Variants in ANXA9 observed in about 807,000 individuals in gnomAD.
ANXA9 encodes annexin 31.
In ANXA9, 47 loss-of-function variants were observed where a neutral mutation model predicts 51.8. The observed-to-expected ratio is 0.91, with a 90% CI of 0.72 to 1.16. ANXA9 has a LOEUF of 1.16. Among genes scored for constraint, ANXA9 ranks in the 50% most tolerant of loss-of-function variants. The pLI, the probability that ANXA9 is intolerant of heterozygous loss-of-function variation, is 0.00. For synonymous variants in ANXA9, 154 were observed against 168.7 expected (o/e 0.91, Z 0.68); for missense variants, 361 against 424.7 (o/e 0.85, Z 1.32).
chr1:150,986,964 G>A (rs931086636), intron 9 of ANXA9, among the ~76,000 whole-genome samples: 2 of 152,048 alleles, frequency 1.3e-5, no homozygotes, highest in South Asian at 2.1e-4. Flanking sequence ...CGGGTACCAG[G>A]ATTTTTCCAA....
chr1:150,981,310 C>T (rs1339765286), upstream of ANXA9, among the ~76,000 whole-genome samples: 1 of 152,122 alleles, frequency 6.6e-6, no homozygotes, highest in Non-Finnish European at 1.5e-5. Context: ...CAGTGAAGGC[C>T]TTCCTGAGTT....
At chr1:150,991,032 A>G (rs1391653369) in intron 12 of ANXA9, among the ~76,000 whole-genome samples, 4 of 150,454 alleles carry the variant, frequency 2.7e-5, no homozygotes, top group Non-Finnish European at 5.9e-5. Flanking sequence ...AGTCCCAGCT[A>G]CGCTGGAGGC....
intron 12 of ANXA9, among the ~76,000 whole-genome samples, chr1:150,990,893 T>C (rs954510230): frequency 8.6e-5 from 13 of 151,838 alleles, no homozygotes; most frequent in Admixed American, 6.6e-5. Context: ...GCCTGTAATC[T>C]CAGCACTTTG....
intron 4 of ANXA9, among the ~76,000 whole-genome samples, chr1:150,983,693 A>G (rs587609581): frequency 6.8e-4 from 103 of 152,322 alleles, no homozygotes; most frequent in African/African-American, 2.4e-3. Flanking sequence ...CACTCAGCTC[A>G]TGACGGAGGT....
chr1:150,980,538 C>T (rs1671395714), upstream of ANXA9, among the ~76,000 whole-genome samples: 1 of 151,136 alleles, frequency 6.6e-6, no homozygotes, highest in Non-Finnish European at 1.5e-5. Flanking sequence ...CTTTACAGGG[C>T]ACTTTTCTCT....
At chr1:150,993,728 G>C (rs1671765107) in intron 12 of ANXA9, among the ~76,000 whole-genome samples, 1 of 148,644 alleles carries the variant, frequency 6.7e-6, no homozygotes, top group Non-Finnish European at 1.5e-5. Flanking sequence ...TCCGCCTCCT[G>C]GGTTCAAGCA....
chr1:150,981,621 C>T (rs587640570), upstream of ANXA9, among the ~76,000 whole-genome samples: 1 of 152,350 alleles, frequency 6.6e-6, no homozygotes, highest in Non-Finnish European at 1.5e-5. Flanking sequence ...AGGGAGCCTC[C>T]CCCATCTCCC....
intron 12 of ANXA9, 50 bp from the exon 13 acceptor site, chr1:150,994,527 C>T: frequency 1.9e-6 from 3 of 1,608,078 alleles, no homozygotes; most frequent in African/African-American, 2.7e-5. Flanking sequence ...AACCCCTACT[C>T]TCAGTGAGAC....
chr1:150,983,138 C>T lies in ANXA9; in HGVS notation c.33C>T (p.Ser11=). Residue 11 remains serine (S), a synonymous_variant, in exon 3 of 14, where the codon TCC becomes TCT. Coordinates refer to ENST00000368947, the MANE Select transcript of ANXA9 (RefSeq NM_003568.3). MSVTGGKMAP[S]LTQEILSHLG... is the part of the protein sequence containing the mutation. ...TGACTGGCGGGAAGATGGCACCGTCCCTCACCCAGGAGATCCTCAGCCACC... is the reference window on the plus strand; with the variant it reads ...TGACTGGCGGGAAGATGGCACCGTCTCTCACCCAGGAGATCCTCAGCCACC... The T allele has an allele frequency of 6.2e-7, 1 of 1,614,088 alleles. No individual in the cohort carries two copies.
intron 4 of ANXA9, 40 bp downstream of exon 4, chr1:150,983,474 A>G: frequency 1.3e-6 from 2 of 1,553,014 alleles, no homozygotes; most frequent in Middle Eastern, 1.7e-4. Context: ...TGCCTTTTAG[A>G]GCCAATCTGT....
chr1:150,986,693 G>T lies in ANXA9; in HGVS notation c.612+32G>T, dbSNP rs777090424. ...AGGGGGTTTAGGAGTGTGCACAGCC[G>T]CCATGCACATAAGATGCCTTCCTCC... On this transcript the variant is annotated intron_variant, in intron 9 of 13. Transcript: ENST00000368947. 6 of 1,551,334 alleles carry T rather than the reference G, an allele frequency of 3.9e-6. No individual in the cohort carries two copies. The East Asian group carries it at 1.4e-4, about 36-fold the overall frequency.
At chr1:150,987,710 A>G (rs2102796178) in intron 9 of ANXA9, among the ~76,000 whole-genome samples, 162 bp from the exon 10 acceptor site, 1 of 151,336 alleles carries the variant, frequency 6.6e-6, no homozygotes, top group East Asian at 1.9e-4. Context: ...CCTGGGTGAC[A>G]GAATGAGAGT....
intron 9 of ANXA9, among the ~76,000 whole-genome samples, chr1:150,987,006 C>G (rs1163291586): frequency 6.6e-6 from 1 of 152,072 alleles, no homozygotes; most frequent in Non-Finnish European, 1.5e-5. Flanking sequence ...GCTGTAAGGG[C>G]AGAGCCCTCT....
At chr1:150,990,389 T>TA (rs1671666835) in intron 12 of ANXA9, among the ~76,000 whole-genome samples, 1 of 151,680 alleles carries the variant, frequency 6.6e-6, no homozygotes, top group African/African-American at 2.4e-5. Flanking sequence ...TTTTTTGAGA[T>TA]AGAGTCTGGC....
intron 12 of ANXA9, among the ~76,000 whole-genome samples, chr1:150,990,898 A>T (rs1380778586): frequency 6.6e-6 from 1 of 152,054 alleles, no homozygotes; most frequent in Non-Finnish European, 1.5e-5. Flanking sequence ...TAATCTCAGC[A>T]CTTTGGGAGG....
chr1:150,978,859 G>A (rs1054675916), upstream of ANXA9, among the ~76,000 whole-genome samples: 9 of 152,000 alleles, frequency 5.9e-5, no homozygotes, highest in African/African-American at 2.2e-4. Flanking sequence ...AGCTACTCAG[G>A]AGGTTGAGGC....
chr1:150,989,393 A>G (rs1722784), intron 12 of ANXA9, among the ~76,000 whole-genome samples: 55,268 of 151,788 alleles, frequency 0.36, 11,947 homozygotes, highest in Non-Finnish European at 0.49. Flanking sequence ...CCCAAAATCT[A>G]TAAATAAAAA....
chr1:150,980,220 C>G (rs1671391068), upstream of ANXA9, among the ~76,000 whole-genome samples: 2 of 152,086 alleles, frequency 1.3e-5, no homozygotes, highest in African/African-American at 4.8e-5. Flanking sequence ...CATGGTGAAA[C>G]CCTATCTCTA....
intron 3 of ANXA9, 28 bp downstream of exon 3, chr1:150,983,208 A>C: frequency 6.2e-7 from 1 of 1,610,440 alleles, no homozygotes; most frequent in Non-Finnish European, 8.5e-7. Context: ...TTTAGAGATC[A>C]CTTTTAGTAT....
Sources: gnomAD v4.1 joint callset for allele counts (sites outside exome capture counted in the v4.1 genomes callset) on GRCh38, gnomAD v4.1.1 for gene constraint, MANE v1.5 for transcripts, NCBI Gene and HGNC (gene_info 2026-07-23, HGNC 2026-07-21) for gene names.